Variants in FGF20 observed in about 807,000 individuals in gnomAD.
FGF20 encodes the protein fibroblast growth factor 20.
In FGF20, 8 loss-of-function variants were observed where a neutral mutation model predicts 16.7. That is an observed-to-expected ratio of 0.48 (90% CI 0.28 to 0.87). The LOEUF (loss-of-function observed/expected upper bound fraction) is 0.87. Ranked by LOEUF, FGF20 falls within the 40% of genes least tolerant of loss-of-function variation. The pLI, the probability that FGF20 is intolerant of heterozygous loss-of-function variation, is 0.10. For missense variants in FGF20, 397 were observed against 281.4 expected (o/e 1.41, Z -2.94); for synonymous variants, 161 against 118.6 (o/e 1.36, Z -2.32).
intron 1 of FGF20, among the ~76,000 whole-genome samples, chr8:16,996,908 G>A (rs578080524): frequency 1.3e-5 from 2 of 152,158 alleles, no homozygotes; most frequent in Non-Finnish European, 2.9e-5. Flanking sequence ...GTTTCTTGAG[G>A]ACAATACAGT....
At chr8:17,000,107 A>T (rs897033546) in intron 1 of FGF20, among the ~76,000 whole-genome samples, 1 of 151,982 alleles carries the variant, frequency 6.6e-6, no homozygotes, top group Non-Finnish European at 1.5e-5. Flanking sequence ...CATGCCTGTA[A>T]TCCCAGTACT....
rs112761348 is a variant in FGF20 at position 17,001,892 on chromosome 8, G to A, written c.141C>T (p.Ser47=). ...LGERRSAAER[S]ARGGPGAAQL... The stretch of plus-strand genomic sequence containing the variant: ...GCGCAGCCCCCGGCCCGCCGCGCGC[G>A]CTCCGCTCCGCCGCGCTCCTGCGCT... The change falls in exon 1 of 3, where the codon AGC becomes AGT. Residue 47 remains serine, a synonymous_variant. Transcript: ENST00000180166. 3.5e-6 allele frequency: 5 copies of A among 1,439,664 alleles called. No individual in the cohort carries two copies. Among genetic ancestry groups the A allele is most frequent in the Non-Finnish European group, 4.5e-6 (5 of 1,100,430 alleles). 89.2% of individuals were successfully genotyped at this position (1,439,664 alleles called of 1,614,324 possible).
chr8:16,999,214 T>C (rs1810127100), intron 1 of FGF20, among the ~76,000 whole-genome samples: 1 of 152,204 alleles, frequency 6.6e-6, no homozygotes, highest in African/African-American at 2.4e-5. Flanking sequence ...AGTATTTTGT[T>C]CCTATACATA....
At chr8:16,997,764 C>G (rs565314792) in intron 1 of FGF20, among the ~76,000 whole-genome samples, 29 of 152,250 alleles carry the variant, frequency 1.9e-4, no homozygotes, top group African/African-American at 7.0e-4. Flanking sequence ...GAAGGAAAAT[C>G]AAACTCACTG....
chr8:16,998,585 A>T (rs932476140), intron 1 of FGF20, among the ~76,000 whole-genome samples: 1 of 152,168 alleles, frequency 6.6e-6, no homozygotes, highest in Non-Finnish European at 1.5e-5. Flanking sequence ...AGTGTCCCAT[A>T]AAAAGACTTG....
chr8:17,001,883 G>C lies in FGF20; in HGVS notation c.150C>G (p.Gly50=). The C allele has an allele frequency of 7.0e-7, 1 of 1,436,466 alleles. No homozygotes were observed. Among genetic ancestry groups the C allele is most frequent in the Admixed American group, 3.3e-5 (1 of 30,464 alleles). The allele number at this position is 1,436,466 out of a possible 1,614,324, so 89.0% of individuals were successfully genotyped here. A position where few individuals can be genotyped will look rare whatever the true frequency, so the allele number is the denominator to read the frequency against. ...RRSAAERSAR[G]GPGAAQLAHL... ...GCGCCAGCTGCGCAGCCCCCGGCCC[G>C]CCGCGCGCGCTCCGCTCCGCCGCGC... The change falls in exon 1 of 3, where the codon GGC becomes GGG. Residue 50 remains glycine (G), a synonymous_variant. Transcript: ENST00000180166.
chr8:16,996,129 TG>T (rs1292350034), intron 1 of FGF20, among the ~76,000 whole-genome samples: 1 of 151,788 alleles, frequency 6.6e-6, no homozygotes. Flanking sequence ...ATCTGTGAGA[TG>T]GGGGCCTGTT....
rs1023135376 is a variant in FGF20 at position 17,001,997 on chromosome 8, G to T, written c.36C>A (p.Gly12=). The T allele has an allele frequency of 1.3e-6, 2 of 1,529,368 alleles. No individual in the cohort carries two copies. The highest frequency in any genetic ancestry group is 1.4e-5 in the African/African-American group (1 of 70,460). The allele number at this position is 1,529,368 out of a possible 1,614,324, so 94.7% of individuals were successfully genotyped here. Residue 12 remains glycine (G), a synonymous_variant, in exon 1 of 3, where the codon GGC becomes GGA. Transcript: ENST00000180166. ...APLAEVGGFL[G]GLEGLGQQVG... ...CCTGCTGGCCCAAGCCCTCCAGGCC[G>T]CCCAGAAAGCCCCCGACTTCGGCTA... is the stretch of plus-strand genomic sequence containing the variant.
intron 1 of FGF20, 113 bp downstream of exon 1, chr8:17,001,634 G>A (rs538079049): frequency 1.8e-4 from 231 of 1,262,336 alleles, no homozygotes; most frequent in East Asian, 6.9e-4. Context: ...GGGGAGCTCC[G>A]GGCTCCGCGC....
chr8:17,002,079 T>G lies in FGF20; in HGVS notation c.-47A>C, dbSNP rs756146547. Reference sequence around the variant, plus strand: ...AAAAGACCCCCCCAGTAAAGAGTGTTGTGGGGGTGGGATGGAGGTGGATAG... The same window carrying G: ...AAAAGACCCCCCCAGTAAAGAGTGTGGTGGGGGTGGGATGGAGGTGGATAG... On this transcript the variant is annotated 5_prime_UTR_variant, in exon 1 of 3. Coordinates refer to ENST00000180166, the MANE Select transcript of FGF20 (RefSeq NM_019851.3). 12 of 1,481,860 alleles carry G rather than the reference T, an allele frequency of 8.1e-6. No homozygotes were observed. The African/African-American group carries it at 1.3e-4, about 16-fold the overall frequency. The allele number at this position is 1,481,860 out of a possible 1,614,324, so 91.8% of individuals were successfully genotyped here.
chr8:16,995,853 C>T lies in FGF20; in HGVS notation c.287-95G>A. The T allele has an allele frequency of 6.4e-6, 4 of 620,858 alleles. No individual in the cohort carries two copies. The Middle Eastern group carries it at 1.1e-3, about 164-fold the overall frequency. 38.5% of individuals were successfully genotyped at this position (620,858 alleles called of 1,614,324 possible). A position where few individuals can be genotyped will look rare whatever the true frequency, so the allele number is the denominator to read the frequency against. Reference sequence around the variant, plus strand: ...TCTTCCAAATAGTAGCGGTAGTCGGCCATTATTGCCAAATATAATGATGTA... The same window carrying T: ...TCTTCCAAATAGTAGCGGTAGTCGGTCATTATTGCCAAATATAATGATGTA... On this transcript the variant is annotated intron_variant, in intron 1 of 2. Coordinates refer to ENST00000180166, the MANE Select transcript of FGF20 (RefSeq NM_019851.3).
intron 1 of FGF20, among the ~76,000 whole-genome samples, chr8:16,997,670 T>C (rs1255542448): frequency 6.6e-6 from 1 of 152,106 alleles, no homozygotes; most frequent in Non-Finnish European, 1.5e-5. Flanking sequence ...GATCCCTCAT[T>C]GAAAGCCTAA....
At chr8:16,993,586 T>G (rs959398251) in intron 2 of FGF20, among the ~76,000 whole-genome samples, 5 of 152,042 alleles carry the variant, frequency 3.3e-5, no homozygotes, top group Non-Finnish European at 5.9e-5. Flanking sequence ...CGGACCAGGA[T>G]GGGGACACGG....
chr8:16,996,249 C>T (rs367816900), intron 1 of FGF20, among the ~76,000 whole-genome samples: 1 of 152,212 alleles, frequency 6.6e-6, no homozygotes, highest in Non-Finnish European at 1.5e-5. Context: ...CTAGTCTTTC[C>T]TGGTCATGTG....
chr8:16,996,010 T>C (rs1176622678), intron 1 of FGF20, among the ~76,000 whole-genome samples: 1 of 152,206 alleles, frequency 6.6e-6, no homozygotes, highest in Non-Finnish European at 1.5e-5. Flanking sequence ...AGAGAACCTC[T>C]GACCGGCCTG....
chr8:17,002,129 C>G lies in FGF20; in HGVS notation c.-97G>C. The stretch of plus-strand genomic sequence containing the variant: ...GAGAAAAATTATAGCAAAACGAGCG[C>G]AAAAAGTTAAGGCCCGGTTACTCCT... On this transcript the variant is annotated 5_prime_UTR_variant, in exon 1 of 3. Transcript: ENST00000180166. 1 of 1,325,878 alleles carries G rather than the reference C, an allele frequency of 7.5e-7. No individual in the cohort carries two copies. The highest frequency in any genetic ancestry group is 1.6e-5 in the African/African-American group (1 of 64,126). 82.1% of individuals were successfully genotyped at this position (1,325,878 alleles called of 1,614,324 possible).
chr8:16,995,867 T>A, intron 1 of FGF20, 109 bp from the exon 2 acceptor site: 1 of 574,266 alleles, frequency 1.7e-6, no homozygotes, highest in South Asian at 2.9e-5. Flanking sequence ...TATTGCCAAA[T>A]ATAATGATGT....
chr8:16,993,054 T>C lies in FGF20; in HGVS notation c.*18A>G, dbSNP rs1436554665. On this transcript the variant is annotated 3_prime_UTR_variant, in exon 3 of 3. Coordinates refer to ENST00000180166, the MANE Select transcript of FGF20 (RefSeq NM_019851.3). The stretch of plus-strand genomic sequence containing the variant: ...GAATGGTTGTGGTTTGACTCTTCCA[T>C]AATGTCACTATCGCACTTCAAGTGT... The C allele has an allele frequency of 6.2e-7, 1 of 1,610,996 alleles. No individual in the cohort carries two copies. The highest frequency in any genetic ancestry group is 1.3e-5 in the African/African-American group (1 of 74,780).
At chr8:16,994,191 A>T (rs748678624) in intron 2 of FGF20, among the ~76,000 whole-genome samples, 1 of 152,122 alleles carries the variant, frequency 6.6e-6, no homozygotes, top group Non-Finnish European at 1.5e-5. Flanking sequence ...ATCTTTTTCC[A>T]TCGTTAGAGG....
Sources: gnomAD v4.1 joint callset for allele counts (sites outside exome capture counted in the v4.1 genomes callset) on GRCh38, gnomAD v4.1.1 for gene constraint, MANE v1.5 for transcripts, NCBI Gene and HGNC (gene_info 2026-07-23, HGNC 2026-07-21) for gene names.